The following TRMT9B variants were observed in gnomAD, a reference collection of about 807,000 sequenced individuals.
TRMT9B encodes the protein tRNA methyltransferase 9B (putative).
A neutral mutation model predicts 11.5 loss-of-function variants in TRMT9B; 16 were observed. That is an observed-to-expected ratio of 1.39 (90% CI 0.94 to 2.11). The LOEUF is 2.11. Ranked by LOEUF, TRMT9B falls within the 30% of genes most tolerant of loss-of-function variation. TRMT9B has a pLI of 0.00. For missense variants in TRMT9B, 941 were observed against 553.8 expected (o/e 1.70, Z -7.02); for synonymous variants, 274 against 192.4 (o/e 1.42, Z -3.51).
intron 1 of TRMT9B, among the ~76,000 whole-genome samples, chr8:12,956,398 G>A (rs113752505): frequency 9.9e-5 from 15 of 152,114 alleles, no homozygotes; most frequent in African/African-American, 2.4e-5. Flanking sequence ...GGATGTTATC[G>A]TTTTGCAGCT....
intron 1 of TRMT9B, among the ~76,000 whole-genome samples, chr8:12,966,939 A>T (rs1205714954): frequency 6.6e-6 from 1 of 152,214 alleles, no homozygotes; most frequent in Non-Finnish European, 1.5e-5. Context: ...CCATGTTTAC[A>T]TTATGAGATT....
chr8:12,953,491 A>T (rs1206313163), intron 1 of TRMT9B, among the ~76,000 whole-genome samples: 3 of 152,162 alleles, frequency 2.0e-5, no homozygotes, highest in African/African-American at 4.8e-5. Context: ...CTGGGATTAC[A>T]GGTGCAAACC....
At chr8:13,018,547 T>C (rs1225812586) in intron 4 of TRMT9B, among the ~76,000 whole-genome samples, 2 of 152,086 alleles carry the variant, frequency 1.3e-5, no homozygotes, top group African/African-American at 4.8e-5. Flanking sequence ...CCCCAAAAAA[T>C]AGTCAATTAT....
intron 2 of TRMT9B, among the ~76,000 whole-genome samples, chr8:13,005,294 C>T (rs1376914482): frequency 1.3e-5 from 2 of 151,796 alleles, no homozygotes; most frequent in Non-Finnish European, 1.5e-5. Flanking sequence ...GGCTGCAAAG[C>T]GTAGCGGGGA....
intron 2 of TRMT9B, among the ~76,000 whole-genome samples, chr8:13,000,259 T>C (rs532740062): frequency 1.3e-5 from 2 of 152,284 alleles, no homozygotes; most frequent in East Asian, 1.9e-4. Context: ...TGAATTCAAG[T>C]AGGTAGAAAA....
intron 1 of TRMT9B, among the ~76,000 whole-genome samples, chr8:12,967,294 C>T (rs1320212095): frequency 6.6e-6 from 1 of 152,172 alleles, no homozygotes; most frequent in African/African-American, 2.4e-5. Context: ...GTTTTAGGAA[C>T]AAATGTATTT....
intron 1 of TRMT9B, among the ~76,000 whole-genome samples, chr8:12,957,813 T>C (rs1223785805): frequency 1.3e-5 from 2 of 152,250 alleles, no homozygotes; most frequent in African/African-American, 4.8e-5. Context: ...AGTGTACTAT[T>C]TTAACTGTTT....
At chr8:12,966,521 A>G (rs1208595845) in intron 1 of TRMT9B, among the ~76,000 whole-genome samples, 2 of 152,232 alleles carry the variant, frequency 1.3e-5, no homozygotes, top group Admixed American at 6.5e-5. Context: ...CTTATAGACT[A>G]TTTAGATAGA....
chr8:12,984,738 C>A (rs994932978), intron 1 of TRMT9B, among the ~76,000 whole-genome samples: 1 of 152,122 alleles, frequency 6.6e-6, no homozygotes, highest in African/African-American at 2.4e-5. Context: ...GCTATATTTT[C>A]ATTTTTCTTC....
In TRMT9B at chr8:13,022,029, G is replaced by A. The variant is rs755973996; in HGVS notation, c.1350G>A (p.Lys450=). ...ACTGGTGTATCATTGCAGAGAAAAA[G>A]AGAGGTTGTGATTGATTGGATCCTT... ...HGNWCIIAEK[K]RGCD is the part of the protein sequence containing the mutation. Residue 450 remains lysine, a synonymous_variant, in exon 5 of 5, where the codon AAG becomes AAA. Transcript: ENST00000524591. 6.6e-4 allele frequency: 1,041 copies of A among 1,587,370 alleles called. 3 individuals carry two copies. The highest frequency in any genetic ancestry group is 8.3e-4 in the Non-Finnish European group (967 of 1,168,794).
chr8:12,999,165 G>A (rs1178765486), intron 2 of TRMT9B, among the ~76,000 whole-genome samples: 1 of 151,992 alleles, frequency 6.6e-6, no homozygotes, highest in Non-Finnish European at 1.5e-5. Flanking sequence ...CAGGCATGGT[G>A]GTACGTGCCT....
At chr8:13,015,459 C>T (rs2460921) in intron 4 of TRMT9B, among the ~76,000 whole-genome samples, 10,013 of 152,120 alleles carry the variant, frequency 0.066, 415 homozygotes, top group African/African-American at 0.11. Context: ...TCAGGTTATC[C>T]TCCTGCCTCA....
chr8:12,947,611 A>C (rs933392425), intron 1 of TRMT9B, among the ~76,000 whole-genome samples: 1 of 152,262 alleles, frequency 6.6e-6, no homozygotes, highest in East Asian at 1.9e-4. Flanking sequence ...ATTAATGCAA[A>C]TATGTGCATT....
intron 1 of TRMT9B, among the ~76,000 whole-genome samples, chr8:12,989,560 G>A (rs776821314): frequency 8.5e-5 from 13 of 152,112 alleles, no homozygotes; most frequent in East Asian, 1.9e-4. Context: ...TGATGGGGGC[G>A]TTGAAGACTT....
At chr8:13,010,563 G>A (rs1585355351) in intron 3 of TRMT9B, 2 of 985,178 alleles carry the variant, frequency 2.0e-6, no homozygotes, top group Non-Finnish European at 1.2e-6. Flanking sequence ...GAAATGAATA[G>A]GGGCAAATCA....
intron 1 of TRMT9B, chr8:12,952,482 T>C (rs1800759680): frequency 4.1e-6 from 1 of 241,672 alleles, no homozygotes; most frequent in Admixed American, 5.5e-5. Flanking sequence ...GGGATGTGCT[T>C]TGGGTGTGAG....
chr8:12,985,150 C>T (rs1047868126), intron 1 of TRMT9B, among the ~76,000 whole-genome samples: 3 of 152,128 alleles, frequency 2.0e-5, no homozygotes, highest in Non-Finnish European at 2.9e-5. Context: ...GATCTCTTTC[C>T]GCTAAGATAA....
chr8:13,012,730 C>G lies in TRMT9B; in HGVS notation c.201C>G (p.Thr67=), dbSNP rs764475691. The change falls in exon 4 of 5, where the codon ACC becomes ACG. Residue 67 remains threonine, a synonymous_variant. Coordinates refer to ENST00000524591, the MANE Select transcript of TRMT9B (RefSeq NM_020844.3). ...KYLKVNSQVH[T]VGCDYCGPLV... ...TTAAAGTGAACAGCCAGGTACATAC[C>G]GTGGGCTGTGACTACTGTGGGCCAC... The G allele has an allele frequency of 1.2e-6, 2 of 1,613,890 alleles. No individual in the cohort carries two copies. The highest frequency in any genetic ancestry group is 8.5e-7 in the Non-Finnish European group (1 of 1,179,864).
chr8:12,997,688 G>A (rs1808614256), intron 2 of TRMT9B, among the ~76,000 whole-genome samples: 4 of 152,170 alleles, frequency 2.6e-5, no homozygotes, highest in Admixed American at 2.6e-4. Flanking sequence ...TTCGAAGAGT[G>A]CTTCTTTGGA....
Sources: allele counts gnomAD v4.1 joint callset (sites outside exome capture counted in the v4.1 genomes callset), GRCh38; gene constraint gnomAD v4.1.1; transcripts MANE v1.5; gene names NCBI Gene and HGNC (gene_info 2026-07-23, HGNC 2026-07-21).